Variants in DNAJB5 observed in about 807,000 individuals in gnomAD.
The protein encoded by DNAJB5 is dnaJ homolog subfamily B member 5.
DNAJB5 carries 12 observed loss-of-function variants against 32.6 expected under a neutral mutation model. That is an observed-to-expected ratio of 0.37 (90% confidence interval 0.24 to 0.60). The LOEUF (loss-of-function observed/expected upper bound fraction) is 0.60, where lower values mean the gene tolerates loss of function less well. Among genes scored for constraint, DNAJB5 ranks in the 20% least tolerant of loss-of-function variants. The pLI is 0.71. For synonymous variants in DNAJB5, 188 were observed against 212.9 expected, an observed-to-expected ratio of 0.88 and a Z score of 1.02; for missense variants, 358 against 554.2, an observed-to-expected ratio of 0.65 and a Z score of 3.55.
intron 2 of DNAJB5, chr9:34,991,181 C>T: frequency 2.4e-6 from 1 of 418,190 alleles, no homozygotes; most frequent in Non-Finnish European, 4.7e-6. Context: ...AACAGTCCCC[C>T]TCGCCATTTT....
intron 3 of DNAJB5, among the ~76,000 whole-genome samples, chr9:34,995,974 T>C (rs1827779374): frequency 6.6e-6 from 1 of 152,224 alleles, no homozygotes. Context: ...GTGGAAAAGA[T>C]TACAGGACTG....
chr9:34,994,646 C>A lies in DNAJB5; in HGVS notation c.427+1202C>A, dbSNP rs142598693. Among the ~76,000 whole-genome samples, 90 of 152,314 alleles carry A rather than the reference C, an allele frequency of 5.9e-4. 1 individual carries two copies. In the South Asian group the frequency reaches 0.017, roughly 29 times the overall value. On this transcript the variant is annotated intron_variant, in intron 3 of 4. Transcript: ENST00000682809. ...GCACCCATTCCTCCATTCAGCCTCA[C>A]CTTTGTTTAGAAAGAAGGCAGGAGC... is the stretch of plus-strand genomic sequence containing the variant.
downstream of DNAJB5, chr9:34,998,809 C>CTTTTTT (rs773947205): frequency 3.7e-5 from 4 of 108,152 alleles, no homozygotes; most frequent in Non-Finnish European, 5.6e-5. Context: ...GGGTGGAGAA[C>CTTTTTT]TTTTTTTTTT....
chr9:34,991,225 ATCC>A (rs1827619908), intron 2 of DNAJB5: 1 of 440,736 alleles, frequency 2.3e-6, no homozygotes, highest in African/African-American at 2.0e-5. Context: ...CTACCTTAAC[ATCC>A]TCCTCATTCT....
In DNAJB5 at chr9:34,993,094, A is replaced by G; in HGVS notation, c.183-106A>G. 6.8e-7 allele frequency: 1 copy of G among 1,468,034 alleles called. No homozygotes were observed. The highest frequency in any genetic ancestry group is 1.5e-5 in the South Asian group (1 of 68,668). The allele number at this position is 1,468,034 out of a possible 1,614,324, so 90.9% of individuals were successfully genotyped here. ...GACGCAGGCCCACAGAACAGGCATG[A>G]CCTGCTGAAGGTTACCCAGGGAGTC... On this transcript the variant is annotated intron_variant, in intron 2 of 4. Coordinates refer to ENST00000682809, the MANE Select transcript of DNAJB5 (RefSeq NM_001349723.3). The surrounding 1 kb of genome is among the most constrained non-coding windows in gnomAD (Gnocchi z 4.7).
At chr9:34,991,688 G>A (rs1827649872) in intron 2 of DNAJB5, 1 of 275,336 alleles carries the variant, frequency 3.6e-6, no homozygotes, top group Non-Finnish European at 6.9e-6. Flanking sequence ...CCAACGAGGT[G>A]CTCTTTCTTC....
Position 34,997,296 on chromosome 9 carries a change from T to C in DNAJB5, c.*37T>C. 6.3e-7 allele frequency: 1 copy of C among 1,581,208 alleles called. No individual in the cohort carries two copies. The highest frequency in any genetic ancestry group is 8.7e-7 in the Non-Finnish European group (1 of 1,150,568). ...GCCAGTCCAGAGCCTACCACAGCAA[T>C]ACCCCCAACACTCACTCCACTCAAT... On this transcript the variant is annotated 3_prime_UTR_variant, in exon 5 of 5. Transcript: ENST00000682809. The surrounding 1 kb of genome is among the most constrained non-coding windows in gnomAD (Gnocchi z 4.1).
rs1160063496 is a variant in DNAJB5 at position 34,993,663 on chromosome 9, A to G, written c.427+219A>G. Among the ~76,000 whole-genome samples, 2 of 152,100 alleles carry G rather than the reference A, an allele frequency of 1.3e-5. No homozygotes were observed. The highest frequency in any genetic ancestry group is 1.3e-4 in the Admixed American group (2 of 15,276). On this transcript the variant is annotated intron_variant, in intron 3 of 4. Coordinates refer to ENST00000682809, the MANE Select transcript of DNAJB5 (RefSeq NM_001349723.3). This position sits in a 1 kb window ranked among gnomAD's most constrained non-coding sequence, Gnocchi z 4.7. Reference sequence around the variant, plus strand: ...CTCTGCCCCCTCCCTCCTCGGGTTCAGGCCTTAGAGAGGTCTGAAGCAAGA... The same window carrying G: ...CTCTGCCCCCTCCCTCCTCGGGTTCGGGCCTTAGAGAGGTCTGAAGCAAGA...
rs966803589 is a variant in DNAJB5 at position 34,998,173 on chromosome 9, G to C, written c.*914G>C. The C allele has an allele frequency of 6.6e-6, 1 of 152,580 alleles. No individual in the cohort carries two copies. The highest frequency in any genetic ancestry group is 1.5e-5 in the Non-Finnish European group (1 of 68,088). The allele number at this position is 152,580 out of a possible 1,614,324, so 9.5% of individuals were successfully genotyped here. On this transcript the variant is annotated 3_prime_UTR_variant, in exon 5 of 5. Transcript: ENST00000682809. ...CTTCCAAATCCCACTTTTGTGATAT[G>C]TGAAGCTACTCATTTCTTACCCTTG...
Position 34,993,153 on chromosome 9 carries a change from T to C in DNAJB5, c.183-47T>C. On this transcript the variant is annotated intron_variant, in intron 2 of 4. Coordinates refer to ENST00000682809, the MANE Select transcript of DNAJB5 (RefSeq NM_001349723.3). The surrounding 1 kb of genome is among the most constrained non-coding windows in gnomAD (Gnocchi z 4.7). ...ATTGCAAGATCATCAGGAACAGGGC[T>C]GGGGCAGAAGAGAAGGCATCAAGTC... The C allele has an allele frequency of 6.4e-7, 1 of 1,568,832 alleles. No homozygotes were observed. Among genetic ancestry groups the C allele is most frequent in the Non-Finnish European group, 8.6e-7 (1 of 1,159,524 alleles).
chr9:34,992,609 C>T (rs568425786), intron 2 of DNAJB5: 4 of 165,778 alleles, frequency 2.4e-5, no homozygotes, highest in Non-Finnish European at 3.6e-5. Flanking sequence ...GGCTTAGCAT[C>T]GTCAGAGGGG....
rs1563947715 is a variant in DNAJB5, at chr9:34,990,730, T to A, written c.100T>A (p.Phe34Ile). 1 of 1,551,690 alleles carries A rather than the reference T, an allele frequency of 6.4e-7. No individual in the cohort carries two copies. The highest frequency in any genetic ancestry group is 8.7e-7 in the Non-Finnish European group (1 of 1,146,992). ...CTTCCCACACTCCTGGGGAGAAGACTTCTTAGCCAGCTTGATGTTTAAAAT... is the reference window on the plus strand; with the variant it reads ...CTTCCCACACTCCTGGGGAGAAGACATCTTAGCCAGCTTGATGTTTAAAAT... ...RSFPHSWGEDFLASLMFKIQL... is the reference protein window; with the variant it reads ...RSFPHSWGEDILASLMFKIQL... The change falls in exon 2 of 5, where the codon TTC becomes ATC. Residue 34 changes from phenylalanine to isoleucine, a missense_variant. Transcript: ENST00000682809. This position sits in a 1 kb window ranked among gnomAD's most constrained non-coding sequence, Gnocchi z 4.5.
rs1827720250 is a variant in DNAJB5 at position 34,993,805 on chromosome 9, G to C, written c.427+361G>C. 6.6e-6 allele frequency among the ~76,000 whole-genome samples: 1 copy of C among 152,188 alleles called. No individual in the cohort carries two copies. The highest frequency in any genetic ancestry group is 1.5e-5 in the Non-Finnish European group (1 of 68,032). ...GGAGAGGGAGTGTGTGGCTCTCTGA[G>C]GACAGAGCATTTACATTCATCAGCA... On this transcript the variant is annotated intron_variant, in intron 3 of 4. Coordinates refer to ENST00000682809, the MANE Select transcript of DNAJB5 (RefSeq NM_001349723.3). This position sits in a 1 kb window ranked among gnomAD's most constrained non-coding sequence, Gnocchi z 4.7.
chr9:34,993,119 C>A lies in DNAJB5; in HGVS notation c.183-81C>A, dbSNP rs1190674504. The stretch of plus-strand genomic sequence containing the variant: ...ACCTGCTGAAGGTTACCCAGGGAGT[C>A]ATTTAGGGATTGCAAGATCATCAGG... On this transcript the variant is annotated intron_variant, in intron 2 of 4. Coordinates refer to ENST00000682809, the MANE Select transcript of DNAJB5 (RefSeq NM_001349723.3). This position sits in a 1 kb window ranked among gnomAD's most constrained non-coding sequence, Gnocchi z 4.7. The A allele has an allele frequency of 1.1e-5, 16 of 1,499,592 alleles. No individual in the cohort carries two copies. In the Admixed American group the frequency reaches 3.9e-4, roughly 37 times the overall value. 92.9% of individuals were successfully genotyped at this position (1,499,592 alleles called of 1,614,324 possible).
intron 2 of DNAJB5, chr9:34,991,398 G>C: frequency 2.2e-6 from 1 of 456,238 alleles, no homozygotes; most frequent in South Asian, 1.5e-5. Context: ...GAGATGTATG[G>C]GCCTAGAGCA....
At chr9:34,994,957 T>C (rs1827750195) in intron 3 of DNAJB5, among the ~76,000 whole-genome samples, 1 of 152,152 alleles carries the variant, frequency 6.6e-6, no homozygotes, top group African/African-American at 2.4e-5. Flanking sequence ...AAGGGGGTGG[T>C]AGTGGAAGAA....
At chr9:34,991,717 AC>A (rs1021686449) in intron 2 of DNAJB5, 14 of 155,624 alleles carry the variant, frequency 9.0e-5, no homozygotes, top group Non-Finnish European at 1.1e-4. Context: ...TCCCAACCCC[AC>A]CCCCCACCCC....
At chr9:34,992,079 A>C (rs1827663935) in intron 2 of DNAJB5, 1 of 152,526 alleles carries the variant, frequency 6.6e-6, no homozygotes, top group South Asian at 2.1e-4. Flanking sequence ...GCCAAGTCTC[A>C]GAAGGGCTGA....
rs759476433 is a variant in DNAJB5 at position 34,997,028 on chromosome 9, G to A, written c.1032G>A (p.Ala344=). The change falls in exon 5 of 5, where the codon GCG becomes GCA. Residue 344 remains alanine, a splice_region_variant and synonymous_variant. Coordinates refer to ENST00000682809, the MANE Select transcript of DNAJB5 (RefSeq NM_001349723.3). This position sits in a 1 kb window ranked among gnomAD's most constrained non-coding sequence, Gnocchi z 4.1. ...LYSALISLKE[A]LCGCTVNIPT... Reference sequence around the variant, plus strand: ...ACTTTCTGCTTCGTCTTTCCCAGGCGCTGTGTGGCTGCACTGTGAACATTC... The same window carrying A: ...ACTTTCTGCTTCGTCTTTCCCAGGCACTGTGTGGCTGCACTGTGAACATTC... 1.8e-5 allele frequency: 29 copies of A among 1,612,210 alleles called. No individual in the cohort carries two copies. The highest frequency in any genetic ancestry group is 2.0e-5 in the Non-Finnish European group (24 of 1,179,986).
Sources: allele counts gnomAD v4.1 joint callset (sites outside exome capture counted in the v4.1 genomes callset), GRCh38; gene constraint gnomAD v4.1.1; non-coding constraint Gnocchi (gnomAD v3.1); transcripts MANE v1.5; gene names NCBI Gene and HGNC (gene_info 2026-07-23, HGNC 2026-07-21).